The following PLEKHG4B variants were observed in gnomAD, a reference collection of about 807,000 sequenced individuals.
PLEKHG4B encodes pleckstrin homology domain-containing family G member 4B.
A neutral mutation model predicts 121.3 loss-of-function variants in PLEKHG4B; 111 were observed. That is an observed-to-expected ratio of 0.92 (90% CI 0.78 to 1.07). PLEKHG4B has a LOEUF of 1.07. PLEKHG4B is among the 50% of genes least tolerant of loss of function. The pLI is 0.00. For missense variants in PLEKHG4B, 1,831 were observed against 1,757.8 expected (o/e 1.04, Z -0.74); for synonymous variants, 738 against 725.0 (o/e 1.02, Z -0.29).
intron 1 of PLEKHG4B, among the ~76,000 whole-genome samples, chr5:96,327 A>T (rs1733625529): frequency 6.6e-6 from 1 of 152,082 alleles, no homozygotes; most frequent in South Asian, 2.1e-4. Flanking sequence ...AGAGATGGAG[A>T]TTTTTCTAGA....
intron 2 of PLEKHG4B, among the ~76,000 whole-genome samples, chr5:129,839 AG>A (rs1403240409): frequency 1.3e-5 from 2 of 152,058 alleles, no homozygotes; most frequent in Non-Finnish European, 2.9e-5. Flanking sequence ...TGCCTGCCTT[AG>A]CAAACTAATT....
intron 1 of PLEKHG4B, among the ~76,000 whole-genome samples, chr5:94,906 G>A (rs181824863): frequency 6.6e-6 from 1 of 152,176 alleles, no homozygotes; most frequent in East Asian, 1.9e-4. Flanking sequence ...CTACCTCTCC[G>A]AGTACCCTAG....
rs1223392618 is a variant in PLEKHG4B at position 151,594 on chromosome 5, A to G, written c.1987A>G (p.Ile663Val). The G allele has an allele frequency of 6.4e-7, 1 of 1,574,658 alleles. No homozygotes were observed. The highest frequency in any genetic ancestry group is 8.7e-7 in the Non-Finnish European group (1 of 1,145,626). The change falls in exon 7 of 20, where the codon ATT becomes GTT. Residue 663 changes from isoleucine to valine, a missense_variant. By Grantham distance (29) the Ile-to-Val change is conservative. Coordinates refer to ENST00000637938, the MANE Select transcript of PLEKHG4B (RefSeq NM_052909.5). ...ATTTAGGCCTGACAAGGATGCAATA[A>G]TTCAGGTAATGGTTTAGACTGTGGG... ...SAFRPDKDAIIQCEVVSSLKA... is the reference protein window; with the variant it reads ...SAFRPDKDAIVQCEVVSSLKA...
At chr5:168,865 C>CTTTTTTTT (rs140551039) in intron 13 of PLEKHG4B, among the ~76,000 whole-genome samples, 1 of 100,458 alleles carries the variant, frequency 1.0e-5, no homozygotes, top group Non-Finnish European at 2.0e-5. Flanking sequence ...GAAGATTATT[C>CTTTTTTTT]TTTTTTTTTT....
intron 3 of PLEKHG4B, among the ~76,000 whole-genome samples, chr5:141,837 G>A (rs1048774106): frequency 6.6e-6 from 1 of 150,828 alleles, no homozygotes; most frequent in Non-Finnish European, 1.5e-5. Flanking sequence ...ACCCAACCTC[G>A]GGAAAGTGAC....
intron 18 of PLEKHG4B, among the ~76,000 whole-genome samples, chr5:175,274 C>CCTAGGGTGG (rs1736722151): frequency 2.0e-5 from 3 of 152,120 alleles, no homozygotes; most frequent in Middle Eastern, 3.4e-3. Context: ...ACCCTAGGAT[C>CCTAGGGTGG]CCTTCCCCAG....
chr5:95,891 A>G (rs1179877141), intron 1 of PLEKHG4B, among the ~76,000 whole-genome samples: 1 of 152,126 alleles, frequency 6.6e-6, no homozygotes, highest in African/African-American at 2.4e-5. Flanking sequence ...CCACCTCTTC[A>G]GTGTCTGCTG....
Position 133,913 on chromosome 5 carries a change from GAC to G in PLEKHG4B, c.244-5563_244-5562del, listed in dbSNP as rs745898348. The stretch of plus-strand genomic sequence containing the variant: ...CCAATCGAGTGGATAAAGAAAATGT[GAC>G]ACACACGCACACACACACACACACA... On this transcript the variant is annotated intron_variant, in intron 2 of 19. Transcript: ENST00000637938. 2.1e-3 allele frequency among the ~76,000 whole-genome samples: 281 copies of G among 135,630 alleles called. 2 individuals are homozygous for G. The highest frequency in any genetic ancestry group is 3.4e-3 in the Non-Finnish European group (215 of 63,286). 89.0% of individuals were successfully genotyped at this position (135,630 alleles called of 152,430 possible).
rs902386541 is a variant in PLEKHG4B at position 183,732 on chromosome 5, G to A, written c.*1409G>A. 6.6e-6 allele frequency: 1 copy of A among 152,164 alleles called. No homozygotes were observed. Among genetic ancestry groups the A allele is most frequent in the African/African-American group, 2.4e-5 (1 of 41,424 alleles). 9.4% of individuals were successfully genotyped at this position (152,164 alleles called of 1,614,324 possible). A position where few individuals can be genotyped will look rare whatever the true frequency, so the allele number is the denominator to read the frequency against. On this transcript the variant is annotated 3_prime_UTR_variant, in exon 20 of 20. Coordinates refer to ENST00000637938, the MANE Select transcript of PLEKHG4B (RefSeq NM_052909.5). The stretch of plus-strand genomic sequence containing the variant: ...AGCCTGGGCGACAGAGCAAGACTCT[G>A]TCTCACAAAAAAGGTTAAGAAATGA...
chr5:140,723 G>A lies in PLEKHG4B; in HGVS notation c.1477+7G>A. On this transcript the variant is annotated splice_region_variant and intron_variant, in intron 3 of 19. Coordinates refer to ENST00000637938, the MANE Select transcript of PLEKHG4B (RefSeq NM_052909.5). ...GGCTGCACCAAAGAGGAAGGTAAAT[G>A]CTCCCCACGCCCTCCCCTGCGCACC... 1 of 1,548,034 alleles carries A rather than the reference G, an allele frequency of 6.5e-7. No homozygotes were observed. The highest frequency in any genetic ancestry group is 1.4e-5 in the African/African-American group (1 of 72,508).
chr5:101,049 C>T (rs1402878806), intron 1 of PLEKHG4B, among the ~76,000 whole-genome samples: 18 of 63,222 alleles, frequency 2.8e-4, no homozygotes, highest in Non-Finnish European at 4.6e-4. Flanking sequence ...AGGGGAGAGA[C>T]TGTTGTGAGG....
chr5:170,762 T>TC (rs965913632), intron 14 of PLEKHG4B, among the ~76,000 whole-genome samples: 4 of 151,478 alleles, frequency 2.6e-5, no homozygotes, highest in African/African-American at 9.7e-5. Context: ...TGCATCCTCT[T>TC]CCCCCCTCAA....
chr5:150,020 A>G (rs1391812795), intron 6 of PLEKHG4B, among the ~76,000 whole-genome samples: 1 of 152,346 alleles, frequency 6.6e-6, no homozygotes, highest in East Asian at 1.9e-4. Context: ...GTCTGGGTAT[A>G]TACCCAAGAA....
At chr5:135,717 ATATATATAT>A (rs1734964407) in intron 2 of PLEKHG4B, among the ~76,000 whole-genome samples, 1 of 111,642 alleles carries the variant, frequency 9.0e-6, no homozygotes, top group Non-Finnish European at 1.8e-5. Context: ...ATATATATAT[ATATATATAT>A]ATGTATGTCA....
At chr5:150,389 T>A (rs1010126904) in intron 6 of PLEKHG4B, among the ~76,000 whole-genome samples, 1 of 151,902 alleles carries the variant, frequency 6.6e-6, no homozygotes, top group Non-Finnish European at 1.5e-5. Context: ...GGGTGCAGGG[T>A]TTTGCTCTTA....
At position 140,710 on chromosome 5, in the gene PLEKHG4B, G is replaced by A; in HGVS notation, c.1471G>A (p.Glu491Lys). The A allele has an allele frequency of 6.4e-7, 1 of 1,564,340 alleles. No individual in the cohort carries two copies. The highest frequency in any genetic ancestry group is 1.2e-5 in the South Asian group (1 of 84,466). The change falls in exon 3 of 20, where the codon GAG becomes AAG. Residue 491 changes from glutamate (E) to lysine (K), a missense_variant. Coordinates refer to ENST00000637938, the MANE Select transcript of PLEKHG4B (RefSeq NM_052909.5). ...VPVEGPGCTK[E>K]EDVLASSACV... The stretch of plus-strand genomic sequence containing the variant: ...AGTAGAGGGTCCCGGCTGCACCAAA[G>A]AGGAAGGTAAATGCTCCCCACGCCC...
intron 12 of PLEKHG4B, 58 bp downstream of exon 12, chr5:162,002 C>T (rs1190462218): frequency 9.9e-6 from 15 of 1,518,858 alleles, no homozygotes; most frequent in Non-Finnish European, 1.3e-5. Context: ...CTGTGGACAT[C>T]TAGCAAGTGC....
rs35724214 is a variant in PLEKHG4B at position 98,603 on chromosome 5, T to TTGTGTGTGTGTG, written c.45+6359_45+6370dup. On this transcript the variant is annotated intron_variant, in intron 1 of 19. Transcript: ENST00000637938. ...GCATGTGCCACCATGCCTGGCTAAT[T>TTGTGTGTGTGTG]TGTGTGTGTGTGTGTGTGTGTGTGT... 1.6e-3 allele frequency among the ~76,000 whole-genome samples: 176 copies of TTGTGTGTGTGTG among 111,582 alleles called. 1 individual carries two copies. Among genetic ancestry groups the TTGTGTGTGTGTG allele is most frequent in the African/African-American group, 6.3e-3 (163 of 25,928 alleles). The allele number at this position is 111,582 out of a possible 152,430, so 73.2% of individuals were successfully genotyped here.
chr5:130,335 T>A (rs1734742819), intron 2 of PLEKHG4B, among the ~76,000 whole-genome samples: 1 of 152,172 alleles, frequency 6.6e-6, no homozygotes, highest in Non-Finnish European at 1.5e-5. Context: ...ACAGAAGAGA[T>A]GTTACAATTT....
Sources: gnomAD v4.1 joint callset for allele counts (sites outside exome capture counted in the v4.1 genomes callset) on GRCh38, gnomAD v4.1.1 for gene constraint, MANE v1.5 for transcripts, NCBI Gene and HGNC (gene_info 2026-07-23, HGNC 2026-07-21) for gene names.